Variants in MSRA observed in about 807,000 individuals in gnomAD.
MSRA encodes the protein mitochondrial peptide methionine sulfoxide reductase.
MSRA carries 54 observed loss-of-function variants against 31.3 expected under a neutral mutation model. The ratio of observed to expected loss-of-function variants is 1.73; its 90% CI spans 1.39 to 2.17. The LOEUF (loss-of-function observed/expected upper bound fraction) is 2.17, where lower values mean the gene tolerates loss of function less well. MSRA is among the 30% of genes most tolerant of loss of function. The probability of loss-of-function intolerance (pLI) is 0.00; values close to 1 mark genes in which losing one functional copy is unlikely to be tolerated. For synonymous variants in MSRA, 169 were observed against 116.5 expected (o/e 1.45, Z -2.90); for missense variants, 507 against 300.9 (o/e 1.69, Z -5.07).
intron 3 of MSRA, among the ~76,000 whole-genome samples, chr8:10,259,075 C>G (rs974680043): frequency 6.6e-6 from 1 of 151,136 alleles, no homozygotes; most frequent in African/African-American, 2.4e-5. Context: ...CCACTGCACT[C>G]CAGCTTGGGT....
chr8:10,360,320 A>G (rs1260934361), intron 5 of MSRA, among the ~76,000 whole-genome samples: 2 of 152,218 alleles, frequency 1.3e-5, no homozygotes, highest in Non-Finnish European at 2.9e-5. Flanking sequence ...TTCCTCAAAA[A>G]AGAACAAAAA....
intron 1 of MSRA, among the ~76,000 whole-genome samples, chr8:10,171,407 C>T (rs1379619255): frequency 3.4e-5 from 5 of 146,550 alleles, no homozygotes; most frequent in Non-Finnish European, 6.0e-5. Flanking sequence ...AGGAAATGAA[C>T]AGCTCTCTAC....
chr8:10,204,993 G>C (rs1808828565), intron 1 of MSRA, among the ~76,000 whole-genome samples: 1 of 152,152 alleles, frequency 6.6e-6, no homozygotes, highest in African/African-American at 2.4e-5. Flanking sequence ...AAAGGCCCTT[G>C]GTCCTGAGGG....
chr8:10,372,951 C>T (rs374145958), intron 5 of MSRA, among the ~76,000 whole-genome samples: 65 of 152,352 alleles, frequency 4.3e-4, no homozygotes, highest in African/African-American at 1.5e-3. Flanking sequence ...TGCAGTGCTG[C>T]GATCTCGGCC....
intron 5 of MSRA, among the ~76,000 whole-genome samples, chr8:10,407,285 C>G (rs139108225): frequency 1.6e-3 from 241 of 152,306 alleles, no homozygotes; most frequent in African/African-American, 5.4e-3. Context: ...ATCAGACTTT[C>G]ATCAGCTCCC....
chr8:10,298,765 T>C (rs1024183119), intron 3 of MSRA, among the ~76,000 whole-genome samples: 1 of 152,204 alleles, frequency 6.6e-6, no homozygotes, highest in Non-Finnish European at 1.5e-5. Context: ...CTATGAAACT[T>C]CATCTTATGA....
intron 3 of MSRA, among the ~76,000 whole-genome samples, chr8:10,292,241 T>C (rs1800275531): frequency 6.6e-6 from 1 of 152,144 alleles, no homozygotes; most frequent in Non-Finnish European, 1.5e-5. Context: ...CTGGGGTCCA[T>C]ACAGATGCCC....
chr8:10,211,353 C>G (rs1377923415), intron 2 of MSRA, among the ~76,000 whole-genome samples: 2 of 152,176 alleles, frequency 1.3e-5, no homozygotes, highest in Non-Finnish European at 2.9e-5. Flanking sequence ...CTCCTTTTCT[C>G]TCTGGTTTTT....
At chr8:10,280,024 A>T (rs1490515490) in intron 3 of MSRA, among the ~76,000 whole-genome samples, 2 of 152,244 alleles carry the variant, frequency 1.3e-5, no homozygotes. Context: ...GTTATTAAAG[A>T]TAGTGCAGCC....
At chr8:10,337,759 C>T in intron 5 of MSRA, 2 of 702,662 alleles carry the variant, frequency 2.8e-6, no homozygotes, top group Non-Finnish European at 5.2e-6. Flanking sequence ...CTGCAGCCTC[C>T]TCTGCTCAAC....
chr8:10,271,337 T>C (rs1467224121), intron 3 of MSRA, among the ~76,000 whole-genome samples: 1 of 152,194 alleles, frequency 6.6e-6, no homozygotes, highest in Non-Finnish European at 1.5e-5. Context: ...TGATGTGGCT[T>C]CTTAAATATA....
At chr8:10,367,087 C>T (rs1319451090) in intron 5 of MSRA, among the ~76,000 whole-genome samples, 7 of 152,178 alleles carry the variant, frequency 4.6e-5, no homozygotes, top group Non-Finnish European at 8.8e-5. Context: ...GCATGCCGTT[C>T]TGAGCAGCTT....
intron 5 of MSRA, among the ~76,000 whole-genome samples, chr8:10,321,765 A>G (rs1371440753): frequency 1.3e-5 from 2 of 152,144 alleles, no homozygotes; most frequent in Non-Finnish European, 2.9e-5. Flanking sequence ...GACAAGGACA[A>G]AAGCCTGCCA....
intron 5 of MSRA, among the ~76,000 whole-genome samples, chr8:10,380,910 G>C (rs1022058823): frequency 6.6e-5 from 10 of 151,494 alleles, no homozygotes; most frequent in African/African-American, 2.2e-4. Context: ...AGGCTGGAGG[G>C]AGGGGGAGTG....
chr8:10,338,006 G>C (rs1005329516), intron 5 of MSRA, among the ~76,000 whole-genome samples: 1 of 152,066 alleles, frequency 6.6e-6, no homozygotes, highest in Non-Finnish European at 1.5e-5. Context: ...GAAGATATGA[G>C]AAATGAACCT....
In MSRA at chr8:10,238,036, G is replaced by A. The variant is rs144871001; in HGVS notation, c.212-7068G>A. Among the ~76,000 whole-genome samples the A allele has an allele frequency of 6.0e-3, 914 of 152,224 alleles. 4 individuals are homozygous for A. Among genetic ancestry groups the A allele is most frequent in the Non-Finnish European group, 9.3e-3 (635 of 68,012 alleles). ...ACCCATTTTACTCAGAGTAAAATCCGTAGTCCTTAACCATCCCACAAGGTC... is the reference window on the plus strand; with the variant it reads ...ACCCATTTTACTCAGAGTAAAATCCATAGTCCTTAACCATCCCACAAGGTC... On this transcript the variant is annotated intron_variant, in intron 2 of 5. Transcript: ENST00000317173.
chr8:10,223,698 A>G (rs1025991464), intron 2 of MSRA, among the ~76,000 whole-genome samples: 15 of 152,208 alleles, frequency 9.9e-5, no homozygotes, highest in Admixed American at 6.5e-4. Flanking sequence ...GTATTTGAGG[A>G]AATAATGACC....
chr8:10,342,123 A>G (rs1302643701), intron 5 of MSRA, among the ~76,000 whole-genome samples: 1 of 152,178 alleles, frequency 6.6e-6, no homozygotes, highest in African/African-American at 2.4e-5. Flanking sequence ...GTGCAAAAGC[A>G]ACACTTTTCA....
intron 1 of MSRA, among the ~76,000 whole-genome samples, chr8:10,106,897 C>A (rs769879478): frequency 6.6e-5 from 10 of 151,470 alleles, no homozygotes; most frequent in Non-Finnish European, 1.5e-4. Flanking sequence ...CACCCGCCTA[C>A]CCCTCTACCC....
Sources: allele counts gnomAD v4.1 joint callset (sites outside exome capture counted in the v4.1 genomes callset), GRCh38; gene constraint gnomAD v4.1.1; transcripts MANE v1.5; gene names NCBI Gene and HGNC (gene_info 2026-07-23, HGNC 2026-07-21).